Variants in RPSA2 observed in about 807,000 individuals in gnomAD.
The protein encoded by RPSA2 is ribosomal protein SA 2.
At chr19:23,806,001 G>GTCTGTCAATCTATCTA in the RPSA2 span, among the ~76,000 whole-genome samples, 224 of 132,788 alleles carry the variant, frequency 1.7e-3, 3 homozygotes, top group African/African-American at 6.1e-3. Flanking sequence ...CTATCTGTCT[G>GTCTGTCAATCTATCTA]TCTATCTATC....
the RPSA2 span, among the ~76,000 whole-genome samples, chr19:23,826,136 G>A: frequency 6.6e-6 from 1 of 151,276 alleles, no homozygotes; most frequent in Non-Finnish European, 1.5e-5. Context: ...ATCTTGCAAA[G>A]CTAAATCTTA....
chr19:23,804,445 C>T, the RPSA2 span, among the ~76,000 whole-genome samples: 10 of 118,922 alleles, frequency 8.4e-5, no homozygotes, highest in Non-Finnish European at 1.6e-4. Context: ...TACAGGCAAC[C>T]GCCACCACAC....
the RPSA2 span, among the ~76,000 whole-genome samples, chr19:23,794,638 C>G: frequency 6.6e-6 from 1 of 152,012 alleles, no homozygotes; most frequent in Non-Finnish European, 1.5e-5. Flanking sequence ...CTGTGGTTGT[C>G]TGTTTACTGT....
chr19:23,783,117 T>C, the RPSA2 span, among the ~76,000 whole-genome samples: 1 of 151,624 alleles, frequency 6.6e-6, no homozygotes, highest in African/African-American at 2.4e-5. Context: ...TGTTTTGAGA[T>C]GGAGTTTTGC....
At chr19:23,863,395 C>G in the RPSA2 span, among the ~76,000 whole-genome samples, 11 of 152,210 alleles carry the variant, frequency 7.2e-5, no homozygotes, top group Admixed American at 5.2e-4. Context: ...GAAACCCTAT[C>G]TCTGCTACAA....
the RPSA2 span, among the ~76,000 whole-genome samples, chr19:23,860,249 C>T: frequency 6.6e-6 from 1 of 152,190 alleles, no homozygotes. Context: ...ATTGTCTCAT[C>T]TCCACACGAC....
At chr19:23,834,326 T>TC in the RPSA2 span, among the ~76,000 whole-genome samples, 150,613 of 152,068 alleles carry the variant, frequency 0.99, 74,605 homozygotes, top group Middle Eastern at 1. Context: ...TGCTCTTCCA[T>TC]ATTCCTGGTT....
At chr19:23,868,824 T>C in the RPSA2 span, among the ~76,000 whole-genome samples, 3 of 152,204 alleles carry the variant, frequency 2.0e-5, no homozygotes, top group African/African-American at 7.2e-5. Context: ...GAGGAACCCA[T>C]GGTGGCCAAC....
At chr19:23,765,794 C>T in the RPSA2 span, among the ~76,000 whole-genome samples, 16 of 152,138 alleles carry the variant, frequency 1.1e-4, no homozygotes, top group Admixed American at 1.3e-4. Context: ...AATTTGTTAG[C>T]TTTTCCAATA....
At chr19:23,854,591 G>T in the RPSA2 span, among the ~76,000 whole-genome samples, 1 of 152,224 alleles carries the variant, frequency 6.6e-6, no homozygotes, top group Non-Finnish European at 1.5e-5. Context: ...ATCAGACTTA[G>T]AATGGCAAGT....
the RPSA2 span, among the ~76,000 whole-genome samples, chr19:23,765,638 G>A: frequency 6.6e-6 from 1 of 152,162 alleles, no homozygotes; most frequent in Non-Finnish European, 1.5e-5. Flanking sequence ...GCCTATTGGA[G>A]GAGGGAGAGG....
At chr19:23,858,813 A>G in the RPSA2 span, among the ~76,000 whole-genome samples, 1 of 152,170 alleles carries the variant, frequency 6.6e-6, no homozygotes, top group South Asian at 2.1e-4. Context: ...TGCATAATAG[A>G]AGATTAGGGT....
chr19:23,840,386 C>T, the RPSA2 span, among the ~76,000 whole-genome samples: 1 of 152,104 alleles, frequency 6.6e-6, no homozygotes, highest in African/African-American at 2.4e-5. Flanking sequence ...AAAGTATTCC[C>T]TTTGTTGACA....
At chr19:23,859,265 A>C in the RPSA2 span, among the ~76,000 whole-genome samples, 3 of 152,226 alleles carry the variant, frequency 2.0e-5, no homozygotes, top group African/African-American at 7.2e-5. Context: ...TTCCAGTAAC[A>C]GTGTTAGAAA....
chr19:23,841,413 A>G, the RPSA2 span, among the ~76,000 whole-genome samples: 1 of 152,084 alleles, frequency 6.6e-6, no homozygotes, highest in African/African-American at 2.4e-5. Flanking sequence ...GCAGTGAGCC[A>G]AGATCACGCC....
chr19:23,871,146 C>A, the RPSA2 span, among the ~76,000 whole-genome samples: 32 of 152,164 alleles, frequency 2.1e-4, no homozygotes, highest in Non-Finnish European at 4.6e-4. Flanking sequence ...GCCCCCTGAC[C>A]CCTTCTTCCA....
the RPSA2 span, among the ~76,000 whole-genome samples, chr19:23,824,415 A>G: frequency 1.3e-5 from 2 of 152,246 alleles, no homozygotes; most frequent in Admixed American, 6.5e-5. Context: ...AAAAATTACT[A>G]AAGAGACAGG....
At chr19:23,859,385 T>C in the RPSA2 span, among the ~76,000 whole-genome samples, 1 of 152,112 alleles carries the variant, frequency 6.6e-6, no homozygotes, top group Non-Finnish European at 1.5e-5. Context: ...TCCCAGCAGT[T>C]TGGGAGGCTG....
the RPSA2 span, chr19:23,807,726 CAG>C: frequency 1.2e-5 from 3 of 259,594 alleles, no homozygotes; most frequent in Middle Eastern, 4.7e-4. Context: ...TCTTATAAGT[CAG>C]AACCAGTTTT....
Sources: allele counts gnomAD v4.1 joint callset (sites outside exome capture counted in the v4.1 genomes callset), GRCh38; gene constraint gnomAD v4.1.1; transcripts MANE v1.5; gene names NCBI Gene and HGNC (gene_info 2026-07-23, HGNC 2026-07-21).